IL1RAPL1: variants seen among roughly 807,000 people sequenced by gnomAD.
IL1RAPL1 encodes the protein interleukin-1 receptor accessory protein-like 1.
A neutral mutation model predicts 48.4 loss-of-function variants in IL1RAPL1; 3 were observed. The ratio of observed to expected loss-of-function variants is 0.06; its 90% confidence interval spans 0.03 to 0.16. IL1RAPL1 has a LOEUF of 0.16. Ranked by LOEUF, IL1RAPL1 falls within the 10% of genes least tolerant of loss-of-function variation. The pLI is 1.00. For synonymous variants in IL1RAPL1, 185 were observed against 187.7 expected (o/e 0.99, Z 0.12); for missense variants, 349 against 530.6 (o/e 0.66, Z 3.36).
intron 5 of IL1RAPL1, among the ~76,000 whole-genome samples, chrX:29,604,021 C>T (rs1247917351): frequency 8.9e-6 from 1 of 112,291 alleles, no homozygotes; most frequent in East Asian, 2.8e-4. Flanking sequence ...CAGTAAGCCT[C>T]CATATGGCCT....
chrX:29,271,135 T>G (rs1800494034), intron 2 of IL1RAPL1, among the ~76,000 whole-genome samples: 1 of 111,736 alleles, frequency 8.9e-6, no homozygotes, highest in African/African-American at 3.3e-5. Context: ...TGTTCCTGCA[T>G]TAGTTTGCTT....
At chrX:29,134,409 T>C (rs889731694) in intron 2 of IL1RAPL1, among the ~76,000 whole-genome samples, 2 of 112,272 alleles carry the variant, frequency 1.8e-5, no homozygotes, top group Non-Finnish European at 3.8e-5. Flanking sequence ...TGTGCCATGC[T>C]TTATTTTTAA....
At chrX:29,230,522 A>AACAAAAAAC (rs1569265291) in intron 2 of IL1RAPL1, among the ~76,000 whole-genome samples, 1 of 90,822 alleles carries the variant, frequency 1.1e-5, no homozygotes, top group African/African-American at 4.2e-5. Flanking sequence ...AAAAAAAAAA[A>AACAAAAAAC]AAAAAAAAAA....
chrX:29,433,413 A>G (rs1934444009), intron 5 of IL1RAPL1, among the ~76,000 whole-genome samples: 1 of 111,306 alleles, frequency 9.0e-6, no homozygotes, highest in African/African-American at 3.2e-5. Context: ...CCTGTGACAT[A>G]CATTCTTCCT....
At chrX:28,996,936 A>T (rs1469024983) in intron 2 of IL1RAPL1, among the ~76,000 whole-genome samples, 1 of 111,708 alleles carries the variant, frequency 9.0e-6, no homozygotes, top group African/African-American at 3.2e-5. Context: ...AAAATTATTG[A>T]ATTATAATAG....
intron 5 of IL1RAPL1, among the ~76,000 whole-genome samples, chrX:29,665,589 C>G (rs1197385511): frequency 9.0e-6 from 1 of 111,274 alleles, no homozygotes; most frequent in Non-Finnish European, 1.9e-5. Context: ...TTTGTGACAG[C>G]AAAATTGGTC....
intron 1 of IL1RAPL1, among the ~76,000 whole-genome samples, chrX:28,716,375 G>A (rs1237277638): frequency 3.6e-5 from 4 of 110,907 alleles, no homozygotes; most frequent in African/African-American, 1.3e-4. Context: ...CAAATAGGGA[G>A]AGAGGAAGTC....
At chrX:29,179,595 G>A (rs925010886) in intron 2 of IL1RAPL1, among the ~76,000 whole-genome samples, 7 of 111,017 alleles carry the variant, frequency 6.3e-5, no homozygotes. Flanking sequence ...TATCTGGGTG[G>A]GCCTGGTGCA....
chrX:29,561,454 G>T (rs1440452744), intron 5 of IL1RAPL1, among the ~76,000 whole-genome samples: 1 of 112,054 alleles, frequency 8.9e-6, no homozygotes, highest in Non-Finnish European at 1.9e-5. Context: ...TACTGAAGTT[G>T]CTGTGAGCTC....
At chrX:29,640,681 G>C (rs1925138046) in intron 5 of IL1RAPL1, among the ~76,000 whole-genome samples, 1 of 111,741 alleles carries the variant, frequency 8.9e-6, no homozygotes, top group Non-Finnish European at 1.9e-5. Flanking sequence ...TATCCACCTT[G>C]AAAGTGGATT....
intron 2 of IL1RAPL1, among the ~76,000 whole-genome samples, chrX:28,863,772 G>A (rs1922010014): frequency 9.0e-6 from 1 of 111,351 alleles, no homozygotes; most frequent in African/African-American, 3.3e-5. Context: ...ATTGCATATT[G>A]CATATATAAG....
At chrX:29,480,957 A>C in intron 5 of IL1RAPL1, among the ~76,000 whole-genome samples, 1 of 112,100 alleles carries the variant, frequency 8.9e-6, no homozygotes, top group Non-Finnish European at 1.9e-5. Flanking sequence ...GCAAAAGTAA[A>C]TATTAATAGC....
chrX:28,722,138 A>G lies in IL1RAPL1; in HGVS notation c.-24-67182A>G, dbSNP rs367548847. Among the ~76,000 whole-genome samples the G allele has an allele frequency of 4.5e-5, 5 of 111,759 alleles. No individual in the cohort carries two copies. In the East Asian group the frequency reaches 1.4e-3, roughly 32 times the overall value. On this transcript the variant is annotated intron_variant, in intron 1 of 10. Coordinates refer to ENST00000378993, the MANE Select transcript of IL1RAPL1 (RefSeq NM_014271.4). ...TTTTTCTAATTCTGCGAAGAAAGTC[A>G]TTGGTAGCTTGATGGGGATGGCATT...
At chrX:28,811,034 G>C (rs2147275949) in intron 2 of IL1RAPL1, among the ~76,000 whole-genome samples, 1 of 110,304 alleles carries the variant, frequency 9.1e-6, no homozygotes, top group South Asian at 3.8e-4. Flanking sequence ...TAGATACTAA[G>C]TATAAATGAC....
chrX:28,957,206 C>T lies in IL1RAPL1; in HGVS notation c.82+167781C>T, dbSNP rs567623910. On this transcript the variant is annotated intron_variant, in intron 2 of 10. Transcript: ENST00000378993. The stretch of plus-strand genomic sequence containing the variant: ...CTAGATGACGAGTTAGTGGGTGCAG[C>T]GCACCAGCATGGCACATGTATACAT... Among the ~76,000 whole-genome samples the T allele has an allele frequency of 8.2e-3, 915 of 110,947 alleles. 4 individuals carry two copies. The highest frequency in any genetic ancestry group is 0.024 in the South Asian group (62 of 2,619).
rs772742706 is a variant in IL1RAPL1 at position 29,512,745 on chromosome X, C to T, written c.703+113437C>T. On this transcript the variant is annotated intron_variant, in intron 5 of 10. Coordinates refer to ENST00000378993, the MANE Select transcript of IL1RAPL1 (RefSeq NM_014271.4). ...ATCAGGTGATTAGCATTACATATTCCCAAGAATAAATGATTCCACACCTCA... is the reference window on the plus strand; with the variant it reads ...ATCAGGTGATTAGCATTACATATTCTCAAGAATAAATGATTCCACACCTCA... Among the ~76,000 whole-genome samples, 5 of 111,717 alleles carry T rather than the reference C, an allele frequency of 4.5e-5. No homozygotes were observed. The South Asian group carries it at 1.8e-3, about 41-fold the overall frequency.
In IL1RAPL1 at chrX:28,674,096, C is replaced by T. The variant is rs191392771; in HGVS notation, c.-25+86049C>T. Reference sequence around the variant, plus strand: ...AATTGCATGTTGTAATCAAACAATGCGATTGTTTTGTTAAATACTTTAAAA... The same window carrying T: ...AATTGCATGTTGTAATCAAACAATGTGATTGTTTTGTTAAATACTTTAAAA... On this transcript the variant is annotated intron_variant, in intron 1 of 10. Coordinates refer to ENST00000378993, the MANE Select transcript of IL1RAPL1 (RefSeq NM_014271.4). Among the ~76,000 whole-genome samples, 255 of 111,761 alleles carry T rather than the reference C, an allele frequency of 2.3e-3. 1 individual carries two copies. Among genetic ancestry groups the T allele is most frequent in the African/African-American group, 7.3e-3 (224 of 30,850 alleles).
chrX:29,586,160 A>C (rs1189309077), intron 5 of IL1RAPL1, among the ~76,000 whole-genome samples: 1 of 111,973 alleles, frequency 8.9e-6, no homozygotes, highest in Non-Finnish European at 1.9e-5. Context: ...GTGTTTTCAT[A>C]GTAGTTTTAC....
intron 5 of IL1RAPL1, among the ~76,000 whole-genome samples, chrX:29,422,862 C>A (rs1032228868): frequency 6.3e-5 from 7 of 111,438 alleles, no homozygotes; most frequent in Non-Finnish European, 1.3e-4. Flanking sequence ...AGAATGGACC[C>A]CTCCTTTCGG....
Sources: allele counts gnomAD v4.1 joint callset (sites outside exome capture counted in the v4.1 genomes callset), GRCh38; gene constraint gnomAD v4.1.1; transcripts MANE v1.5; gene names NCBI Gene and HGNC (gene_info 2026-07-23, HGNC 2026-07-21).